PCGF3: variants seen among roughly 807,000 people sequenced by gnomAD.
PCGF3 encodes the protein polycomb group ring finger 3.
Under a neutral mutation model 33.1 loss-of-function variants are expected in PCGF3, and 7 were observed. The ratio of observed to expected loss-of-function variants is 0.21; its 90% confidence interval spans 0.12 to 0.40. The LOEUF is 0.40. PCGF3 is among the 10% of genes least tolerant of loss of function. The pLI is 1.00. For missense variants in PCGF3, 211 were observed against 313.3 expected, an observed-to-expected ratio of 0.67 and a Z score of 2.46; for synonymous variants, 153 against 121.3, an observed-to-expected ratio of 1.26 and a Z score of -1.72.
At chr4:734,218 G>C in intron 4 of PCGF3, 1 of 1,515,184 alleles carries the variant, frequency 6.6e-7, no homozygotes, top group East Asian at 2.5e-5. Context: ...TCACACCTGG[G>C]GCTGGACCTG....
chr4:760,554 A>C (rs897577638), intron 8 of PCGF3, among the ~76,000 whole-genome samples: 1 of 152,170 alleles, frequency 6.6e-6, no homozygotes, highest in African/African-American at 2.4e-5. Context: ...TTTTAGACAT[A>C]CATGTTTCAG....
chr4:713,731 C>G (rs1024299827), intron 1 of PCGF3, among the ~76,000 whole-genome samples: 4 of 152,126 alleles, frequency 2.6e-5, no homozygotes, highest in Non-Finnish European at 1.5e-5. Flanking sequence ...TGGAGCTGTT[C>G]TGAGGCGGCA....
At chr4:752,961 C>T (rs1744593208) in intron 8 of PCGF3, among the ~76,000 whole-genome samples, 1 of 152,264 alleles carries the variant, frequency 6.6e-6, no homozygotes. Flanking sequence ...TCTCTCACTT[C>T]AGTAGGCTTT....
rs1003278687 is a variant in PCGF3 at position 721,310 on chromosome 4, G to T, written c.-189-9320G>T. Among the ~76,000 whole-genome samples, 2 of 152,184 alleles carry T rather than the reference G, an allele frequency of 1.3e-5. No individual in the cohort carries two copies. Among genetic ancestry groups the T allele is most frequent in the African/African-American group, 2.4e-5 (1 of 41,434 alleles). Reference sequence around the variant, plus strand: ...GAAAGTTCCATAACTCAGCAAAACTGACTCACAAACAACAGAAACTTCAAG... The same window carrying T: ...GAAAGTTCCATAACTCAGCAAAACTTACTCACAAACAACAGAAACTTCAAG... On this transcript the variant is annotated intron_variant, in intron 1 of 10. Coordinates refer to ENST00000362003, the Ensembl canonical transcript of PCGF3. The surrounding 1 kb of genome is among the most constrained non-coding windows in gnomAD (Gnocchi z 4.1).
chr4:714,266 C>T (rs145890432), intron 1 of PCGF3, among the ~76,000 whole-genome samples: 2 of 152,330 alleles, frequency 1.3e-5, no homozygotes, highest in African/African-American at 2.4e-5. Flanking sequence ...GTGCTTCGGT[C>T]GCAGCCGCCT....
At chr4:754,302 G>A (rs1450043495) in intron 8 of PCGF3, among the ~76,000 whole-genome samples, 4 of 152,192 alleles carry the variant, frequency 2.6e-5, no homozygotes, top group African/African-American at 4.8e-5. Context: ...TGCCTCCCTG[G>A]CCCACTGGCT....
intron 6 of PCGF3, among the ~76,000 whole-genome samples, chr4:739,421 G>A (rs957679619): frequency 6.6e-6 from 1 of 152,124 alleles, no homozygotes; most frequent in Non-Finnish European, 1.5e-5. Flanking sequence ...TGAACTCCTG[G>A]GCTCAAGCAG....
At chr4:723,082 G>A (rs1402770329) in intron 1 of PCGF3, among the ~76,000 whole-genome samples, 3 of 115,746 alleles carry the variant, frequency 2.6e-5, no homozygotes, top group East Asian at 2.6e-4. Context: ...TCGCGTCATC[G>A]CCCACCCGCG....
At chr4:710,482 C>G (rs898278954) in intron 1 of PCGF3, among the ~76,000 whole-genome samples, 1 of 152,334 alleles carries the variant, frequency 6.6e-6, no homozygotes, top group Non-Finnish European at 1.5e-5. Flanking sequence ...ACACTTAAAG[C>G]CTGCCCAGCA....
At chr4:751,998 G>C (rs1744535769) in intron 8 of PCGF3, among the ~76,000 whole-genome samples, 1 of 152,268 alleles carries the variant, frequency 6.6e-6, no homozygotes, top group East Asian at 1.9e-4. Flanking sequence ...TCATCGCTGA[G>C]CAACGCAAAA....
At chr4:713,344 GCTTTGTGGGT>G (rs1742662488) in intron 1 of PCGF3, among the ~76,000 whole-genome samples, 78 of 105,430 alleles carry the variant, frequency 7.4e-4, no homozygotes, top group Middle Eastern at 6.0e-3. Flanking sequence ...GGGGGCTGTG[GCTTTGTGGGT>G]CCTGTGTGTC....
chr4:737,175 C>T (rs919305144), intron 5 of PCGF3, among the ~76,000 whole-genome samples: 1 of 151,890 alleles, frequency 6.6e-6, no homozygotes, highest in African/African-American at 2.4e-5. Context: ...CCTGAGCGCA[C>T]GGGACGTGGG....
chr4:769,960 G>A (rs1745555584), exon 11 of PCGF3: 1 of 152,592 alleles, frequency 6.6e-6, no homozygotes, highest in Non-Finnish European at 1.5e-5. Context: ...TGTACTCTTG[G>A]TGGCTAGTTT....
intron 9 of PCGF3, chr4:762,153 C>T: frequency 4.5e-6 from 4 of 884,444 alleles, no homozygotes; most frequent in Non-Finnish European, 5.4e-6. Context: ...CCCCCAGAGC[C>T]TGCAAATGGG....
chr4:769,344 A>G (rs1483367581), exon 11 of PCGF3: 2 of 152,714 alleles, frequency 1.3e-5, no homozygotes, highest in African/African-American at 4.8e-5. Context: ...GTACAAGCCA[A>G]CCTAGTCCCA....
intron 6 of PCGF3, 104 bp from the exon 7 acceptor site, chr4:743,370 T>A: frequency 1.4e-6 from 1 of 693,986 alleles, no homozygotes; most frequent in East Asian, 2.7e-5. Context: ...GCCTTCAAAC[T>A]TCATAATGCA....
intron 1 of PCGF3, among the ~76,000 whole-genome samples, chr4:722,655 C>T (rs868817430): frequency 1.6e-5 from 2 of 125,642 alleles, no homozygotes; most frequent in Admixed American, 7.8e-5. Context: ...TCCACACTCG[C>T]GTCATCACCT....
chr4:768,322 T>G (rs1383166844), exon 11 of PCGF3: 1 of 152,556 alleles, frequency 6.6e-6, no homozygotes, highest in Non-Finnish European at 1.5e-5. Context: ...GCAGCCTTAG[T>G]CGTTGGAGGC....
At chr4:766,094 C>G in exon 11 of PCGF3, 5 of 1,612,756 alleles carry the variant, frequency 3.1e-6, no homozygotes, top group Non-Finnish European at 4.2e-6. Flanking sequence ...TGCCACACAG[C>G]GCCCACAGAC....
Sources: gnomAD v4.1 joint callset for allele counts (sites outside exome capture counted in the v4.1 genomes callset) on GRCh38, gnomAD v4.1.1 for gene constraint, Gnocchi (gnomAD v3.1) non-coding constraint, MANE v1.5 for transcripts, NCBI Gene and HGNC (gene_info 2026-07-23, HGNC 2026-07-21) for gene names.